Variants in MGME1 observed in about 807,000 individuals in gnomAD.
MGME1 encodes the protein chromosome 20 open reading frame 72.
Under a neutral mutation model 33.0 loss-of-function variants are expected in MGME1, and 22 were observed. The observed-to-expected ratio is 0.67, with a 90% CI of 0.48 to 0.95. The LOEUF is 0.95. Among genes scored for constraint, MGME1 ranks in the 40% least tolerant of loss-of-function variants. The pLI is 0.00. For missense variants in MGME1, 383 were observed against 397.8 expected, an observed-to-expected ratio of 0.96 and a Z score of 0.32; for synonymous variants, 133 against 144.0, an observed-to-expected ratio of 0.92 and a Z score of 0.55.
intron 2 of MGME1, among the ~76,000 whole-genome samples, chr20:17,971,891 A>G (rs2035738142): frequency 6.6e-6 from 1 of 152,036 alleles, no homozygotes; most frequent in Non-Finnish European, 1.5e-5. Context: ...GTGCACCACC[A>G]TGCCTGGCTA....
At chr20:17,987,702 G>A (rs1568617105) in intron 3 of MGME1, among the ~76,000 whole-genome samples, 1 of 152,158 alleles carries the variant, frequency 6.6e-6, no homozygotes, top group Non-Finnish European at 1.5e-5. Flanking sequence ...TAATATACAT[G>A]CTTTGTACAA....
intron 3 of MGME1, among the ~76,000 whole-genome samples, chr20:17,986,146 G>A (rs2036149006): frequency 6.6e-6 from 1 of 151,914 alleles, no homozygotes; most frequent in Non-Finnish European, 1.5e-5. Context: ...TCAGCTCACT[G>A]CAACTTCTGC....
chr20:17,981,816 A>G (rs550633942), intron 3 of MGME1, among the ~76,000 whole-genome samples: 2 of 150,776 alleles, frequency 1.3e-5, no homozygotes, highest in Admixed American at 6.6e-5. Context: ...TGCCTGGCTA[A>G]TTTTTTTTGT....
intron 2 of MGME1, among the ~76,000 whole-genome samples, chr20:17,975,354 C>T (rs932975229): frequency 2.0e-5 from 3 of 151,732 alleles, no homozygotes; most frequent in Non-Finnish European, 2.9e-5. Flanking sequence ...GTCAGGAGTT[C>T]GAGACCAGCC....
chr20:17,969,795 C>T lies in MGME1; in HGVS notation c.-59-6C>T. The stretch of plus-strand genomic sequence containing the variant: ...TTCGCTTTGATGGTTGTTTTCTCTC[C>T]AATAGGAATACAAACATAAAGGCCT... On this transcript the variant is annotated splice_polypyrimidine_tract_variant and splice_region_variant and intron_variant, in intron 1 of 4. Transcript: ENST00000377710. 1 of 1,472,448 alleles carries T rather than the reference C, an allele frequency of 6.8e-7. No individual in the cohort carries two copies. Among genetic ancestry groups the T allele is most frequent in the South Asian group, 1.4e-5 (1 of 73,880 alleles). 91.2% of individuals were successfully genotyped at this position (1,472,448 alleles called of 1,614,324 possible).
intron 2 of MGME1, among the ~76,000 whole-genome samples, chr20:17,974,644 G>A (rs986405437): frequency 2.6e-5 from 4 of 152,080 alleles, no homozygotes; most frequent in Non-Finnish European, 5.9e-5. Flanking sequence ...GAAAGAAGAT[G>A]TGTCCTCCTA....
At chr20:17,976,421 G>C (rs2035868300) in intron 3 of MGME1, among the ~76,000 whole-genome samples, 2 of 152,120 alleles carry the variant, frequency 1.3e-5, no homozygotes, top group Admixed American at 6.5e-5. Context: ...ACTGCACCTG[G>C]CCGAGATTTT....
Position 17,970,142 on chromosome 20 carries a change from C to T in MGME1, c.283C>T (p.Arg95Ter), listed in dbSNP as rs554720740. The part of the protein sequence containing the change: ...HKLPNQGEDR[R>*]VPQNWFPIFN... ...GCTGCCAAACCAAGGTGAGGACAGA[C>T]GAGTGCCACAAAACTGGTTTCCTAT... is the stretch of plus-strand genomic sequence containing the variant. Residue 95 changes from arginine to a stop codon, truncating the protein, a stop_gained, in exon 2 of 5, where the codon CGA becomes TGA. Transcript: ENST00000377710. LOFTEE classifies it high-confidence loss of function. 2.5e-5 allele frequency: 40 copies of T among 1,614,072 alleles called. No individual in the cohort carries two copies. The highest frequency in any genetic ancestry group is 3.2e-5 in the Non-Finnish European group (38 of 1,180,048).
At position 17,970,341 on chromosome 20, in the gene MGME1, G is replaced by A; in HGVS notation, c.482G>A (p.Gly161Glu). Residue 161 changes from glycine (G) to glutamate (E), a missense_variant, in exon 2 of 5, where the codon GGA (glycine) becomes GAA (glutamate). Physicochemically the swap from Gly to Glu is moderately conservative, Grantham distance 98 (BLOSUM62 -2). Transcript: ENST00000377710. ...AAACAGCGGATGATTCTGGAACTGG[G>A]AGAAGATGGCTTTAAAGAATACACT... ...RWKQRMILEL[G>E]EDGFKEYTSN... 1 of 1,613,612 alleles carries A rather than the reference G, an allele frequency of 6.2e-7. No individual in the cohort carries two copies. The highest frequency in any genetic ancestry group is 1.7e-4 in the Middle Eastern group (1 of 6,056).
At position 17,989,952 on chromosome 20, in the gene MGME1, T is replaced by G. The variant is rs775591366; in HGVS notation, c.878T>G (p.Leu293Ter). 6.2e-7 allele frequency: 1 copy of G among 1,614,110 alleles called. No homozygotes were observed. Among genetic ancestry groups the G allele is most frequent in the South Asian group, 1.1e-5 (1 of 91,066 alleles). Residue 293 changes from leucine to a stop codon, truncating the protein, a stop_gained, in exon 5 of 5, where the codon TTA (leucine) becomes TGA (stop). Transcript: ENST00000377710. LOFTEE classifies it high-confidence loss of function. The part of the protein sequence containing the change: ...TNYSFQVQCG[L>*]IVVAYKDGSP... ...GTTTCTTCCTAGGTTCAATGTGGCT[T>G]AATTGTGGTGGCCTACAAAGATGGA...
intron 2 of MGME1, among the ~76,000 whole-genome samples, chr20:17,974,061 GTTTTTT>G (rs34206000): frequency 7.1e-4 from 61 of 85,498 alleles, no homozygotes; most frequent in African/African-American, 2.3e-3. Flanking sequence ...CTCTTTGTGT[GTTTTTT>G]TTTTTTTTTT....
intron 2 of MGME1, 29 bp from the exon 3 acceptor site, chr20:17,975,655 C>T (rs749743257): frequency 2.6e-6 from 4 of 1,537,716 alleles, no homozygotes; most frequent in Middle Eastern, 1.7e-4. Flanking sequence ...GTGTTTCCCC[C>T]CTCCCCTTTT....
At chr20:17,973,997 CTT>C (rs2035792845) in intron 2 of MGME1, among the ~76,000 whole-genome samples, 1 of 149,608 alleles carries the variant, frequency 6.7e-6, no homozygotes, top group African/African-American at 2.5e-5. Context: ...AGTCCCCCCT[CTT>C]TCTCTCCTCT....
At position 17,970,036 on chromosome 20, in the gene MGME1, C is replaced by T. The variant is rs760720939; in HGVS notation, c.177C>T (p.Val59=). 2 of 1,614,168 alleles carry T rather than the reference C, an allele frequency of 1.2e-6. No homozygotes were observed. The highest frequency in any genetic ancestry group is 1.7e-6 in the Non-Finnish European group (2 of 1,180,030). Residue 59 remains valine (V), a synonymous_variant, in exon 2 of 5, where the codon GTC becomes GTT. Coordinates refer to ENST00000377710, the MANE Select transcript of MGME1 (RefSeq NM_052865.4). ...AATACTCTAATTTAGTTCAGTCTGT[C>T]TTGTCATCCAGAGGCGTCGCCCAGA... is the stretch of plus-strand genomic sequence containing the variant. ...QEKYSNLVQS[V]LSSRGVAQTP...
chr20:17,979,638 G>T (rs937106530), intron 3 of MGME1, among the ~76,000 whole-genome samples: 2 of 148,908 alleles, frequency 1.3e-5, no homozygotes, highest in African/African-American at 5.0e-5. Context: ...CAATGGTCTC[G>T]ATCTCCTGAC....
At chr20:17,980,586 G>C (rs1398910835) in intron 3 of MGME1, among the ~76,000 whole-genome samples, 1 of 151,980 alleles carries the variant, frequency 6.6e-6, no homozygotes, top group African/African-American at 2.4e-5. Context: ...AAGGCAGGCA[G>C]ATCACGAGGT....
rs2035698317 is a variant in MGME1, at chr20:17,970,444, A to C, written c.511+74A>C. 3 of 1,484,700 alleles carry C rather than the reference A, an allele frequency of 2.0e-6. No homozygotes were observed. In the South Asian group the frequency reaches 4.0e-5, roughly 20 times the overall value. 92.0% of individuals were successfully genotyped at this position (1,484,700 alleles called of 1,614,324 possible). On this transcript the variant is annotated intron_variant, in intron 2 of 4. Coordinates refer to ENST00000377710, the MANE Select transcript of MGME1 (RefSeq NM_052865.4). Reference sequence around the variant, plus strand: ...AGAGAGCAACGGTGTCAAAAGAATGAGGTTTGGTTTTGTTTTTTTAACTTA... The same window carrying C: ...AGAGAGCAACGGTGTCAAAAGAATGCGGTTTGGTTTTGTTTTTTTAACTTA...
chr20:17,969,615 G>A (rs1171336528), intron 1 of MGME1, among the ~76,000 whole-genome samples, 186 bp from the exon 2 acceptor site: 1 of 152,136 alleles, frequency 6.6e-6, no homozygotes, highest in African/African-American at 2.4e-5. Context: ...TTCGCATTTA[G>A]TATGTGTCGG....
intron 2 of MGME1, among the ~76,000 whole-genome samples, chr20:17,970,791 G>A (rs960752076): frequency 7.2e-5 from 11 of 152,184 alleles, no homozygotes; most frequent in South Asian, 4.1e-4. Context: ...AAACTGACTC[G>A]TAAATTTAAA....
Sources: gnomAD v4.1 joint callset for allele counts (sites outside exome capture counted in the v4.1 genomes callset) on GRCh38, gnomAD v4.1.1 for gene constraint, MANE v1.5 for transcripts, NCBI Gene and HGNC (gene_info 2026-07-23, HGNC 2026-07-21) for gene names.